NAV3: variants seen among roughly 807,000 people sequenced by gnomAD.
NAV3 encodes pore membrane and/or filament interacting like protein 1.
Under a neutral mutation model 244.7 loss-of-function variants are expected in NAV3, and 87 were observed. The ratio of observed to expected loss-of-function variants is 0.36; its 90% CI spans 0.30 to 0.42. The LOEUF is 0.42. Among genes scored for constraint, NAV3 ranks in the 20% least tolerant of loss-of-function variants. The pLI, the probability that NAV3 is intolerant of heterozygous loss-of-function variation, is 1.00. For synonymous variants in NAV3, 1,126 were observed against 1,042.2 expected (o/e 1.08, Z -1.55); for missense variants, 2,663 against 2,893.3 (o/e 0.92, Z 1.83).
intron 2 of NAV3, among the ~76,000 whole-genome samples, chr12:77,804,022 A>G (rs1328727836): frequency 1.3e-5 from 2 of 151,600 alleles, no homozygotes; most frequent in African/African-American, 4.8e-5. Context: ...TAGATTCTGG[A>G]TATTAGCCCT....
At chr12:77,784,012 A>G (rs1870791101) in intron 2 of NAV3, among the ~76,000 whole-genome samples, 1 of 152,148 alleles carries the variant, frequency 6.6e-6, no homozygotes, top group African/African-American at 2.4e-5. Context: ...CCCTGGTGAT[A>G]TCAACTTGTG....
chr12:77,873,744 G>GTGTATGTA (rs776225440), intron 1 of NAV3, among the ~76,000 whole-genome samples: 2 of 73,178 alleles, frequency 2.7e-5, no homozygotes, highest in African/African-American at 9.0e-5. Flanking sequence ...ATGTGTGTGT[G>GTGTATGTA]TATATATATA....
chr12:78,074,339 A>T (rs1475373696), intron 12 of NAV3, among the ~76,000 whole-genome samples: 1 of 152,232 alleles, frequency 6.6e-6, no homozygotes, highest in Admixed American at 6.5e-5. Context: ...AGGGTCACTG[A>T]ACCTGTGAAG....
At chr12:78,066,188 A>C (rs1885001636) in intron 12 of NAV3, among the ~76,000 whole-genome samples, 1 of 152,134 alleles carries the variant, frequency 6.6e-6, no homozygotes, top group East Asian at 1.9e-4. Flanking sequence ...CTCTTCAGAC[A>C]CAAATCTGCT....
At chr12:77,910,377 A>C (rs1248511475) in intron 1 of NAV3, among the ~76,000 whole-genome samples, 1 of 151,962 alleles carries the variant, frequency 6.6e-6, no homozygotes, top group Non-Finnish European at 1.5e-5. Context: ...ACAGAGTTAG[A>C]ATTCACTGAT....
chr12:78,022,720 C>T (rs11107899), intron 9 of NAV3, among the ~76,000 whole-genome samples: 29,818 of 151,978 alleles, frequency 0.2, 3,139 homozygotes, highest in Middle Eastern at 0.25. Flanking sequence ...GAAGCTCAAG[C>T]GACTCTATCA....
chr12:77,582,582 T>A (rs141556764), intron 2 of NAV3, among the ~76,000 whole-genome samples: 1 of 152,356 alleles, frequency 6.6e-6, no homozygotes, highest in African/African-American at 2.4e-5. Flanking sequence ...TATTTAAATT[T>A]GATAAGCTAC....
intron 12 of NAV3, among the ~76,000 whole-genome samples, chr12:78,112,720 A>C (rs544753375): frequency 6.6e-6 from 1 of 152,244 alleles, no homozygotes; most frequent in South Asian, 2.1e-4. Context: ...GGACACAGCC[A>C]CACCATTTCA....
intron 3 of NAV3, among the ~76,000 whole-genome samples, chr12:77,948,081 A>T (rs971660648): frequency 6.6e-6 from 1 of 152,198 alleles, no homozygotes; most frequent in East Asian, 1.9e-4. Context: ...ATTAAAAAAA[A>T]TGCCAAAGAT....
intron 2 of NAV3, among the ~76,000 whole-genome samples, chr12:77,597,710 A>G (rs992871427): frequency 1.3e-5 from 2 of 152,078 alleles, no homozygotes; most frequent in African/African-American, 2.4e-5. Flanking sequence ...TCTCTAGTAT[A>G]TGCAAACAAT....
intron 2 of NAV3, among the ~76,000 whole-genome samples, chr12:77,615,386 G>T (rs1283059678): frequency 6.6e-6 from 1 of 152,100 alleles, no homozygotes; most frequent in Non-Finnish European, 1.5e-5. Context: ...CTATGGATCA[G>T]TGTTTACAGT....
At chr12:78,041,551 TG>T (rs1252235538) in intron 9 of NAV3, among the ~76,000 whole-genome samples, 2 of 152,222 alleles carry the variant, frequency 1.3e-5, no homozygotes, top group Non-Finnish European at 2.9e-5. Flanking sequence ...GACAAATTTT[TG>T]CTTATCCCCC....
intron 1 of NAV3, among the ~76,000 whole-genome samples, chr12:77,894,777 C>T (rs1237237913): frequency 2.0e-5 from 3 of 152,142 alleles, no homozygotes; most frequent in Non-Finnish European, 2.9e-5. Context: ...GGGAAAGCTC[C>T]CGCTCATTGC....
chr12:77,916,582 G>A (rs1887170467), intron 1 of NAV3, among the ~76,000 whole-genome samples: 1 of 151,968 alleles, frequency 6.6e-6, no homozygotes, highest in Non-Finnish European at 1.5e-5. Context: ...TCTAACTAAT[G>A]TCTTCTTTTT....
chr12:77,961,031 CGCATATAT>C (rs1762126898), intron 3 of NAV3, among the ~76,000 whole-genome samples: 1 of 129,726 alleles, frequency 7.7e-6, no homozygotes, highest in African/African-American at 2.9e-5. Context: ...TACATGTATA[CGCATATAT>C]GTATATATGT....
rs534101244 is a variant in NAV3 at position 77,665,024 on chromosome 12, C to T, written c.72+92758C>T. ...CTGGGACTGCAGGTGCACACCCCCT[C>T]GCCTGGCTAAAAATAAATATTGATG... On this transcript the variant is annotated intron_variant, in intron 2 of 8. Transcript: ENST00000550042. Among the ~76,000 whole-genome samples, 18 of 152,274 alleles carry T rather than the reference C, an allele frequency of 1.2e-4. No individual in the cohort carries two copies. In the South Asian group the frequency reaches 2.9e-3, roughly 25 times the overall value.
chr12:78,177,613 C>A lies in NAV3; in HGVS notation c.5298-7C>A. The A allele has an allele frequency of 6.3e-7, 1 of 1,596,704 alleles. No individual in the cohort carries two copies. The highest frequency in any genetic ancestry group is 8.5e-7 in the Non-Finnish European group (1 of 1,178,740). On this transcript the variant is annotated splice_region_variant and splice_polypyrimidine_tract_variant and intron_variant, in intron 27 of 39. Coordinates refer to ENST00000397909, the MANE Select transcript of NAV3 (RefSeq NM_001024383.2). The stretch of plus-strand genomic sequence containing the variant: ...CCATGTATCTGTCTAACTGTATGTA[C>A]ATACAGGTCACCCCTTGTCTGGCCA...
At chr12:77,584,229 A>G (rs146495145) in intron 2 of NAV3, among the ~76,000 whole-genome samples, 1 of 152,346 alleles carries the variant, frequency 6.6e-6, no homozygotes, top group African/African-American at 2.4e-5. Context: ...GATGCCTTGC[A>G]TATGATACGT....
intron 9 of NAV3, among the ~76,000 whole-genome samples, chr12:78,026,184 C>T: frequency 6.6e-6 from 1 of 152,118 alleles, no homozygotes; most frequent in Admixed American, 6.5e-5. Context: ...CTTTAAATTT[C>T]ATCTATATTC....
Sources: gnomAD v4.1 joint callset for allele counts (sites outside exome capture counted in the v4.1 genomes callset) on GRCh38, gnomAD v4.1.1 for gene constraint, MANE v1.5 for transcripts, NCBI Gene and HGNC (gene_info 2026-07-23, HGNC 2026-07-21) for gene names.